The following CROCC2 variants were observed in gnomAD, a reference collection of about 807,000 sequenced individuals.
CROCC2 encodes ciliary rootlet coiled-coil, rootletin family member 2.
Under a neutral mutation model 177.6 loss-of-function variants are expected in CROCC2, and 163 were observed. That is an observed-to-expected ratio of 0.92 (90% CI 0.81 to 1.05). The LOEUF is 1.05. Among genes scored for constraint, CROCC2 ranks in the 50% least tolerant of loss-of-function variants. The probability of loss-of-function intolerance (pLI) is 0.00; values close to 1 mark genes in which losing one functional copy is unlikely to be tolerated. For synonymous variants in CROCC2, 904 were observed against 787.3 expected (o/e 1.15, Z -2.48); for missense variants, 1,929 against 1,797.8 (o/e 1.07, Z -1.32).
chr2:240,990,079 C>T (rs2059867716), intron 30 of CROCC2, among the ~76,000 whole-genome samples: 1 of 152,232 alleles, frequency 6.6e-6, no homozygotes, highest in South Asian at 2.1e-4. Flanking sequence ...CTCTCTGAGC[C>T]TCCATTGCCC....
Position 240,949,261 on chromosome 2 carries a change from G to C in CROCC2, c.2482+164G>C, listed in dbSNP as rs551521456. On this transcript the variant is annotated intron_variant, in intron 16 of 31. Transcript: ENST00000690015. The surrounding 1 kb of genome is among the most constrained non-coding windows in gnomAD (Gnocchi z 4.5). ...CGACTGAGCGACTTGGGCCACCCTCGCCCATGAGGAGCAGCAACACCCTGC... is the reference window on the plus strand; with the variant it reads ...CGACTGAGCGACTTGGGCCACCCTCCCCCATGAGGAGCAGCAACACCCTGC... 37 of 919,466 alleles carry C rather than the reference G, an allele frequency of 4.0e-5. No homozygotes were observed. The highest frequency in any genetic ancestry group is 4.4e-5 in the Non-Finnish European group (34 of 769,784). 57.0% of individuals were successfully genotyped at this position (919,466 alleles called of 1,614,324 possible). A position where few individuals can be genotyped will look rare whatever the true frequency, so the allele number is the denominator to read the frequency against.
rs2059542972 is a variant in CROCC2, at chr2:240,949,796, G to A, written c.2652+94G>A. ...TGGGAGGAGGGGGCCCTGGGAGACAGAGCTCAGAGACATAGGCGCCTGGCC... is the reference window on the plus strand; with the variant it reads ...TGGGAGGAGGGGGCCCTGGGAGACAAAGCTCAGAGACATAGGCGCCTGGCC... On this transcript the variant is annotated intron_variant, in intron 17 of 31. Coordinates refer to ENST00000690015, the MANE Select transcript of CROCC2 (RefSeq NM_001351305.2). This position sits in a 1 kb window ranked among gnomAD's most constrained non-coding sequence, Gnocchi z 4.5. The A allele has an allele frequency of 2.3e-6, 3 of 1,321,018 alleles. No homozygotes were observed. The highest frequency in any genetic ancestry group is 3.1e-6 in the Non-Finnish European group (3 of 975,566). 81.8% of individuals were successfully genotyped at this position (1,321,018 alleles called of 1,614,324 possible).
chr2:240,933,358 G>T lies in CROCC2; in HGVS notation c.1463+16G>T. The T allele has an allele frequency of 1.3e-6, 2 of 1,496,276 alleles. No homozygotes were observed. The highest frequency in any genetic ancestry group is 8.9e-7 in the Non-Finnish European group (1 of 1,125,692). 92.7% of individuals were successfully genotyped at this position (1,496,276 alleles called of 1,614,324 possible). A position where few individuals can be genotyped will look rare whatever the true frequency, so the allele number is the denominator to read the frequency against. Reference sequence around the variant, plus strand: ...TCCTGGGGAGGTAATGGGGTGAAGGGGTTGCACGGCCTTGCACAGGGTGTA... The same window carrying T: ...TCCTGGGGAGGTAATGGGGTGAAGGTGTTGCACGGCCTTGCACAGGGTGTA... On this transcript the variant is annotated intron_variant, in intron 10 of 31. Coordinates refer to ENST00000690015, the MANE Select transcript of CROCC2 (RefSeq NM_001351305.2).
intron 27 of CROCC2, among the ~76,000 whole-genome samples, chr2:240,969,315 C>T (rs573871707): frequency 2.0e-5 from 3 of 152,336 alleles, no homozygotes; most frequent in African/African-American, 7.2e-5. Flanking sequence ...AGAGGGCTGT[C>T]AGCACTCAGA....
chr2:240,959,752 T>C, intron 20 of CROCC2: 1 of 243,698 alleles, frequency 4.1e-6, no homozygotes, highest in Non-Finnish European at 7.8e-6. Context: ...CTAAGCCTCC[T>C]GAAGGGGTGA....
intron 1 of CROCC2, among the ~76,000 whole-genome samples, chr2:240,911,540 T>G (rs1327128167): frequency 6.6e-6 from 1 of 152,110 alleles, no homozygotes; most frequent in Non-Finnish European, 1.5e-5. Flanking sequence ...TCAAGCGATG[T>G]GCGCGCCTCA....
In CROCC2 at chr2:240,964,588, G is replaced by A; in HGVS notation, c.3428G>A (p.Gly1143Glu). The A allele has an allele frequency of 6.5e-7, 1 of 1,549,558 alleles. No homozygotes were observed. Among genetic ancestry groups the A allele is most frequent in the Non-Finnish European group, 8.7e-7 (1 of 1,146,804 alleles). The change falls in exon 22 of 32, where the codon GGG becomes GAG. Residue 1143 changes from glycine to glutamate, a missense_variant. This residue lies in a region of CROCC2 where 1,397 missense variants were observed against 1,239.9 expected (regional missense o/e 1.13). Coordinates refer to ENST00000690015, the MANE Select transcript of CROCC2 (RefSeq NM_001351305.2). ...CTGTGGGAGCTGGAGCAGGCAGGGG[G>A]GGACGCCCGTCAGGAGCTCCGGGAA... is the stretch of plus-strand genomic sequence containing the variant. ...AHLWELEQAG[G>E]DARQELRELH... is the part of the protein sequence containing the mutation.
chr2:240,933,048 TG>T, intron 9 of CROCC2, 82 bp from the exon 10 acceptor site: 2 of 1,527,452 alleles, frequency 1.3e-6, no homozygotes. Flanking sequence ...GTGTCCTTTC[TG>T]GGGAGTCGCA....
intron 5 of CROCC2, among the ~76,000 whole-genome samples, chr2:240,929,275 G>A (rs978012754): frequency 5.3e-5 from 8 of 152,136 alleles, no homozygotes; most frequent in Admixed American, 1.3e-4. Context: ...TCTGGAGAAC[G>A]GGCAGGATGT....
intron 19 of CROCC2, chr2:240,956,314 G>C (rs1041231665): frequency 2.3e-5 from 7 of 300,334 alleles, no homozygotes; most frequent in Non-Finnish European, 1.3e-5. Flanking sequence ...CACTGGAGCT[G>C]CTCGTAGAAA....
intron 20 of CROCC2, among the ~76,000 whole-genome samples, chr2:240,961,922 CG>C (rs999133797): frequency 6.7e-6 from 1 of 149,606 alleles, no homozygotes; most frequent in African/African-American, 2.5e-5. Context: ...CACAGGCATA[CG>C]GACGTGCACA....
At chr2:240,933,963 C>G in intron 11 of CROCC2, 111 bp downstream of exon 11, 1 of 1,222,984 alleles carries the variant, frequency 8.2e-7, no homozygotes. Flanking sequence ...CCTGTCTCAT[C>G]TCAGGGTGTG....
intron 1 of CROCC2, among the ~76,000 whole-genome samples, chr2:240,914,729 C>T (rs1178357638): frequency 6.6e-6 from 1 of 152,172 alleles, no homozygotes; most frequent in Non-Finnish European, 1.5e-5. Flanking sequence ...TCCCGATGGA[C>T]GTGCTCCCCC....
At chr2:240,909,293 CGGGTGACCTCTACCTCCTCCACCTG>C (rs1559585672) in intron 1 of CROCC2, among the ~76,000 whole-genome samples, 1 of 103,608 alleles carries the variant, frequency 9.7e-6, no homozygotes, top group Non-Finnish European at 1.9e-5. Context: ...TCCTCCACCT[CGGGTGACCTCTACCTCCTCCACCTG>C]GGGTGAGCTC....
chr2:240,916,534 TGCGCTCCCCCC>T (rs2059322171), intron 1 of CROCC2, among the ~76,000 whole-genome samples: 1 of 95,014 alleles, frequency 1.1e-5, no homozygotes, highest in Admixed American at 1.2e-4. Flanking sequence ...GAACGCCCCC[TGCGCTCCCCCC>T]GCGCTCCCCG....
At chr2:240,919,913 A>C in intron 2 of CROCC2, 70 bp from the exon 3 acceptor site, 6 of 564,672 alleles carry the variant, frequency 1.1e-5, no homozygotes, top group East Asian at 3.6e-5. Flanking sequence ...CCCACCGTGG[A>C]GACAGGGCAC....
At position 240,973,262 on chromosome 2, in the gene CROCC2, G is replaced by C. The variant is rs2059734647; in HGVS notation, c.4401+5000G>C. ...AGAGCAAATCCCTCCCCGTTTCCAA[G>C]GCTACCCTGGGAATTCAATAGAACA... is the stretch of plus-strand genomic sequence containing the variant. On this transcript the variant is annotated intron_variant, in intron 27 of 31. Transcript: ENST00000690015. The surrounding 1 kb of genome is among the most constrained non-coding windows in gnomAD (Gnocchi z 4.7). Among the ~76,000 whole-genome samples, 1 of 152,320 alleles carries C rather than the reference G, an allele frequency of 6.6e-6. No homozygotes were observed. Among genetic ancestry groups the C allele is most frequent in the South Asian group, 2.1e-4 (1 of 4,824 alleles).
At chr2:240,992,927 C>A in intron 31 of CROCC2, 139 bp from the exon 32 acceptor site, 1 of 619,508 alleles carries the variant, frequency 1.6e-6, no homozygotes, top group Non-Finnish European at 3.0e-6. Flanking sequence ...ATGGCCAGGG[C>A]GGGAGGGAGG....
chr2:240,931,185 T>A (rs1335342259), intron 7 of CROCC2, 57 bp downstream of exon 7: 1 of 659,028 alleles, frequency 1.5e-6, no homozygotes, highest in Non-Finnish European at 2.8e-6. Flanking sequence ...TCGGGGCCCA[T>A]CCAGCGTGCC....
Sources: gnomAD v4.1 joint callset for allele counts (sites outside exome capture counted in the v4.1 genomes callset) on GRCh38, gnomAD v4.1.1 for gene constraint, gnomAD v4.1.1 regional missense constraint, Gnocchi (gnomAD v3.1) non-coding constraint, MANE v1.5 for transcripts, NCBI Gene and HGNC (gene_info 2026-07-23, HGNC 2026-07-21) for gene names.